Variants in DLG3 observed in about 807,000 individuals in gnomAD.
DLG3 encodes discs large MAGUK scaffold protein 3.
Under a neutral mutation model 64.1 loss-of-function variants are expected in DLG3, and 1 was observed. The observed-to-expected ratio is 0.02, with a 90% confidence interval of 0.01 to 0.07. The LOEUF (loss-of-function observed/expected upper bound fraction) is 0.07. Among genes scored for constraint, DLG3 ranks in the 10% least tolerant of loss-of-function variants. DLG3 has a pLI of 1.00. For synonymous variants in DLG3, 245 were observed against 259.8 expected (o/e 0.94, Z 0.55); for missense variants, 429 against 669.5 (o/e 0.64, Z 3.96).
chrX:70,450,154 C>T lies in DLG3; in HGVS notation c.704-15C>T. The T allele has an allele frequency of 8.3e-7, 1 of 1,210,555 alleles. No individual in the cohort carries two copies. The highest frequency in any genetic ancestry group is 1.7e-5 in the African/African-American group (1 of 57,853). ...CCTTGTGGCCCTCTCCCACCTCCTG[C>T]TGGCTCCCGCTCAGGCCTGGGTTTC... is the stretch of plus-strand genomic sequence containing the variant. On this transcript the variant is annotated splice_polypyrimidine_tract_variant and intron_variant, in intron 4 of 18. Coordinates refer to ENST00000374360, the MANE Select transcript of DLG3 (RefSeq NM_021120.4).
intron 2 of DLG3, 133 bp from the exon 3 acceptor site, chrX:70,449,226 T>C: frequency 1.0e-6 from 1 of 962,885 alleles, no homozygotes; most frequent in Admixed American, 2.4e-5. Context: ...GTCTGACAAA[T>C]GTGCCCAGCC....
At chrX:70,469,156 G>A (rs887419618) in intron 9 of DLG3, among the ~76,000 whole-genome samples, 9 of 110,456 alleles carry the variant, frequency 8.1e-5, no homozygotes, top group South Asian at 3.9e-4. Flanking sequence ...GACTACAGGC[G>A]TACACCACCA....
Position 70,450,191 on chromosome X carries a change from G to A in DLG3, c.726G>A (p.Gly242=), listed in dbSNP as rs1569269173. 2.5e-6 allele frequency: 3 copies of A among 1,210,884 alleles called. No homozygotes were observed. Among genetic ancestry groups the A allele is most frequent in the Non-Finnish European group, 3.4e-6 (3 of 895,034 alleles). ...GPKGLGFSIA[G]GIGNQHIPGD... The stretch of plus-strand genomic sequence containing the variant: ...CAGGCCTGGGTTTCAGCATTGCTGG[G>A]GGTATTGGCAACCAGCACATCCCAG... Residue 242 remains glycine (G), a synonymous_variant, in exon 5 of 19, where the codon GGG becomes GGA. Coordinates refer to ENST00000374360, the MANE Select transcript of DLG3 (RefSeq NM_021120.4).
chrX:70,495,053 G>T (rs748319438), intron 12 of DLG3, among the ~76,000 whole-genome samples: 1 of 111,864 alleles, frequency 8.9e-6, no homozygotes, highest in African/African-American at 3.3e-5. Flanking sequence ...AAGCCTTGGA[G>T]TGTCACCTGT....
intron 12 of DLG3, among the ~76,000 whole-genome samples, chrX:70,494,548 C>G (rs1467873476): frequency 8.9e-6 from 1 of 112,052 alleles, no homozygotes; most frequent in African/African-American, 3.2e-5. Flanking sequence ...GGCTCATCAT[C>G]CTGGAGTAGT....
intron 6 of DLG3, 35 bp from the exon 7 acceptor site, chrX:70,451,832 G>C: frequency 8.3e-7 from 1 of 1,209,309 alleles, no homozygotes; most frequent in Non-Finnish European, 1.1e-6. Flanking sequence ...CCCTGGACCA[G>C]TCTCTGAACT....
intron 11 of DLG3, 86 bp from the exon 12 acceptor site, chrX:70,492,435 C>CA: frequency 8.9e-7 from 1 of 1,125,913 alleles, no homozygotes; most frequent in Non-Finnish European, 1.2e-6. Flanking sequence ...CTCAGTGAGC[C>CA]AAAAAAATGG....
intron 10 of DLG3, among the ~76,000 whole-genome samples, chrX:70,482,329 C>T (rs1284643205): frequency 8.9e-6 from 1 of 112,259 alleles, no homozygotes; most frequent in Non-Finnish European, 1.9e-5. Context: ...TCAGTGTCTT[C>T]AAGATAAAGG....
intron 9 of DLG3, among the ~76,000 whole-genome samples, chrX:70,465,032 G>T (rs765425344): frequency 8.9e-6 from 1 of 111,909 alleles, no homozygotes; most frequent in South Asian, 3.8e-4. Flanking sequence ...GTACATTAGG[G>T]GCCTAAGTAG....
chrX:70,497,257 C>T, intron 13 of DLG3: 1 of 1,173,363 alleles, frequency 8.5e-7, no homozygotes, highest in Non-Finnish European at 1.2e-6. Flanking sequence ...TCGTGTAGCT[C>T]CACTGTGTAT....
Position 70,492,231 on chromosome X carries a change from G to C in DLG3, c.1645G>C (p.Val549Leu). Residue 549 changes from valine (V) to leucine (L), a missense_variant, in exon 11 of 19, where the codon GTG becomes CTG. By Grantham distance (32) the Val-to-Leu change is conservative (BLOSUM62 1). Transcript: ENST00000374360. ...TGATGAGTGGTGGCAGGCAAGGCTG[G>C]TGACCCCACACGGAGAAAGTGAGCA... ...SDDEWWQARL[V>L]TPHGESEQIG... The C allele has an allele frequency of 8.3e-7, 1 of 1,211,645 alleles. No individual in the cohort carries two copies. Among genetic ancestry groups the C allele is most frequent in the Non-Finnish European group, 1.1e-6 (1 of 895,528 alleles).
chrX:70,454,283 T>A lies in DLG3; in HGVS notation c.1372T>A (p.Ser458Thr), dbSNP rs761856095. 1 of 1,211,204 alleles carries A rather than the reference T, an allele frequency of 8.3e-7. No homozygotes were observed. The highest frequency in any genetic ancestry group is 1.1e-6 in the Non-Finnish European group (1 of 895,166). The change falls in exon 9 of 19, where the codon TCA becomes ACA. Residue 458 changes from serine to threonine, a missense_variant. This residue lies in a region of DLG3 where 46 missense variants were observed against 52.3 expected (regional missense o/e 0.88). Transcript: ENST00000374360. ...AGCTGCTCTGAAACGGGCCGGCCAG[T>A]CAGTCACCATTGTGGCCCAGTACAG... ...AAAALKRAGQSVTIVAQYRPE... is the reference protein window; with the variant it reads ...AAAALKRAGQTVTIVAQYRPE...
chrX:70,488,008 A>C (rs930626972), intron 10 of DLG3, among the ~76,000 whole-genome samples: 1 of 109,064 alleles, frequency 9.2e-6, no homozygotes, highest in African/African-American at 3.4e-5. Flanking sequence ...CTGAGTGAAG[A>C]ATTAGCTTTT....
intron 13 of DLG3, among the ~76,000 whole-genome samples, chrX:70,498,167 C>G (rs2087489274): frequency 8.9e-6 from 1 of 112,468 alleles, no homozygotes; most frequent in African/African-American, 3.2e-5. Flanking sequence ...CTCAACCAGT[C>G]AAAGTGTCCC....
At chrX:70,461,403 G>C (rs1164997942) in intron 9 of DLG3, among the ~76,000 whole-genome samples, 1 of 111,641 alleles carries the variant, frequency 9.0e-6, no homozygotes, top group Non-Finnish European at 1.9e-5. Context: ...TTCTCTCTCT[G>C]TTTCCAAATT....
At chrX:70,500,245 G>A (rs1222909954) in intron 16 of DLG3, among the ~76,000 whole-genome samples, 196 bp downstream of exon 16, 1 of 111,620 alleles carries the variant, frequency 9.0e-6, no homozygotes. Flanking sequence ...TACCCAACAG[G>A]GAATAGGGGG....
At chrX:70,449,516 C>T in intron 3 of DLG3, 33 bp downstream of exon 3, 1 of 1,194,623 alleles carries the variant, frequency 8.4e-7, no homozygotes. Context: ...TTGTGGGTGG[C>T]AGGGACAGGA....
chrX:70,501,010 C>T (rs373356611), intron 18 of DLG3, 21 bp downstream of exon 18: 52 of 1,116,893 alleles, frequency 4.7e-5, no homozygotes, highest in South Asian at 5.8e-5. Context: ...TGCTGCCCTG[C>T]GGGGGGTTCT....
At chrX:70,463,597 G>A (rs1298263583) in intron 9 of DLG3, among the ~76,000 whole-genome samples, 1 of 111,603 alleles carries the variant, frequency 9.0e-6, no homozygotes, top group African/African-American at 3.3e-5. Flanking sequence ...ATTGTTTTTT[G>A]TAAAATATAT....
Sources: allele counts gnomAD v4.1 joint callset (sites outside exome capture counted in the v4.1 genomes callset), GRCh38; gene constraint gnomAD v4.1.1; regional missense constraint gnomAD v4.1.1; transcripts MANE v1.5; gene names NCBI Gene and HGNC (gene_info 2026-07-23, HGNC 2026-07-21).